Variants in CCND3 observed in about 807,000 individuals in gnomAD.
The protein encoded by CCND3 is cyclin D3, also known as G1/S-specific cyclin-D3.
Under a neutral mutation model 28.7 loss-of-function variants are expected in CCND3, and 9 were observed. The ratio of observed to expected loss-of-function variants is 0.31; its 90% CI spans 0.19 to 0.55. CCND3 has a LOEUF of 0.55. CCND3 is among the 20% of genes least tolerant of loss of function. The pLI is 0.93. For synonymous variants in CCND3, 164 were observed against 163.9 expected (o/e 1.00, Z 0.00); for missense variants, 315 against 385.8 (o/e 0.82, Z 1.54).
intron 1 of CCND3, among the ~76,000 whole-genome samples, chr6:41,956,150 G>A (rs887480944): frequency 6.6e-6 from 1 of 152,004 alleles, no homozygotes; most frequent in Admixed American, 6.6e-5. Flanking sequence ...AAATTAGCCG[G>A]GTGTGGTGGT....
At chr6:42,008,556 A>G (rs1257912504) in intron 1 of CCND3, among the ~76,000 whole-genome samples, 1 of 152,204 alleles carries the variant, frequency 6.6e-6, no homozygotes, top group African/African-American at 2.4e-5. Flanking sequence ...ACAAAGTAAG[A>G]TAGGCTGGTT....
rs147998619 is a variant in CCND3, at chr6:41,940,419, T to C, written c.365A>G (p.Glu122Gly). Residue 122 changes from glutamate to glycine, a missense_variant, in exon 2 of 5, where the codon GAA becomes GGA. Physicochemically the swap from Glu to Gly is moderately conservative, Grantham distance 98. Transcript: ENST00000372991. ...GTGGTCGGTGTAGATGCACAGTTTT[T>C]CGATGGTCAGGGGCGTGGTCTCGCG... ...KLRETTPLTI[E>G]KLCIYTDHAV... 1.8e-4 allele frequency: 290 copies of C among 1,613,606 alleles called. 1 individual carries two copies. Among genetic ancestry groups the C allele is most frequent in the Non-Finnish European group, 2.3e-4 (273 of 1,179,922 alleles).
chr6:42,006,576 C>T (rs1459257137), intron 1 of CCND3, among the ~76,000 whole-genome samples: 2 of 152,036 alleles, frequency 1.3e-5, no homozygotes, highest in African/African-American at 4.8e-5. Flanking sequence ...GATGATATGA[C>T]TATCTACGTG....
At chr6:41,982,273 C>CAAAAAAAAA (rs57911007) in intron 1 of CCND3, among the ~76,000 whole-genome samples, 1 of 135,074 alleles carries the variant, frequency 7.4e-6, no homozygotes, top group African/African-American at 2.8e-5. Context: ...GACTCCATCT[C>CAAAAAAAAA]AAAAAAAAAA....
At chr6:41,996,299 G>A (rs990304276) in intron 1 of CCND3, among the ~76,000 whole-genome samples, 8 of 151,496 alleles carry the variant, frequency 5.3e-5, no homozygotes, top group East Asian at 1.9e-4. Flanking sequence ...ACAGGCACAC[G>A]CCACCATGTC....
At chr6:41,950,559 T>C (rs879309728) in intron 1 of CCND3, among the ~76,000 whole-genome samples, 21 of 152,206 alleles carry the variant, frequency 1.4e-4, no homozygotes, top group Non-Finnish European at 2.8e-4. Flanking sequence ...GTACTTTAGC[T>C]GTCCCAGGCT....
chr6:42,027,422 A>G lies in CCND3; in HGVS notation c.-46+21079T>C, dbSNP rs977662297. ...GCCACTGCACTCCAGCCTGAGTGAG[A>G]GAGCGAGGCTCCATCTCAAAAAAAA... On this transcript the variant is annotated intron_variant, in intron 1 of 4. Transcript: ENST00000372988. Among the ~76,000 whole-genome samples, 7 of 141,728 alleles carry G rather than the reference A, an allele frequency of 4.9e-5. No individual in the cohort carries two copies. In the Admixed American group the frequency reaches 5.0e-4, roughly 10 times the overall value. 93.0% of individuals were successfully genotyped at this position (141,728 alleles called of 152,430 possible).
Position 42,048,312 on chromosome 6 carries a change from T to G in CCND3, c.-46+189A>C. 9.6e-6 allele frequency: 3 copies of G among 312,360 alleles called. No homozygotes were observed. The highest frequency in any genetic ancestry group is 2.2e-4 in the East Asian group (2 of 8,934). 19.3% of individuals were successfully genotyped at this position (312,360 alleles called of 1,614,324 possible). On this transcript the variant is annotated intron_variant, in intron 1 of 4. Coordinates refer to the CCND3 transcript ENST00000372988. This position sits in a 1 kb window ranked among gnomAD's most constrained non-coding sequence, Gnocchi z 4.7. ...ACAGAGGGCTCAGGGCCTTTGGGGGTTTCTCTGCCCTTCAATTCCGTGCAG... is the reference window on the plus strand; with the variant it reads ...ACAGAGGGCTCAGGGCCTTTGGGGGGTTCTCTGCCCTTCAATTCCGTGCAG...
chr6:41,945,312 G>A (rs1776140518), upstream of CCND3, among the ~76,000 whole-genome samples: 1 of 152,140 alleles, frequency 6.6e-6, no homozygotes, highest in African/African-American at 2.4e-5. Flanking sequence ...TCAGGAGTTC[G>A]AGACCAGCCT....
At chr6:41,967,480 C>A (rs1235512976) in intron 1 of CCND3, among the ~76,000 whole-genome samples, 3 of 152,162 alleles carry the variant, frequency 2.0e-5, no homozygotes, top group African/African-American at 7.2e-5. Flanking sequence ...AGGAGCTGGG[C>A]CAGGACATAT....
chr6:42,036,252 C>G (rs1026694267), intron 1 of CCND3, among the ~76,000 whole-genome samples: 1 of 148,412 alleles, frequency 6.7e-6, no homozygotes, highest in Admixed American at 6.8e-5. Flanking sequence ...CTCGGCCTCC[C>G]AAAGTGCTGG....
intron 1 of CCND3, among the ~76,000 whole-genome samples, chr6:42,038,354 C>T (rs1224566442): frequency 6.6e-6 from 1 of 151,896 alleles, no homozygotes; most frequent in East Asian, 1.9e-4. Flanking sequence ...GCCTGCGCAA[C>T]ATGGCAAAAC....
chr6:42,019,346 G>C (rs1001064717), intron 1 of CCND3, among the ~76,000 whole-genome samples: 1 of 151,950 alleles, frequency 6.6e-6, no homozygotes, highest in African/African-American at 2.4e-5. Context: ...AAAATTAGCC[G>C]GGTGTGGTGG....
At chr6:41,978,729 G>C (rs1762249724) in intron 1 of CCND3, among the ~76,000 whole-genome samples, 1 of 152,124 alleles carries the variant, frequency 6.6e-6, no homozygotes, top group Non-Finnish European at 1.5e-5. Context: ...CACCCAGAGA[G>C]AAATACTCTA....
intron 1 of CCND3, among the ~76,000 whole-genome samples, chr6:42,014,624 T>C (rs1019578157): frequency 1.3e-5 from 2 of 151,946 alleles, no homozygotes; most frequent in African/African-American, 4.8e-5. Flanking sequence ...GTTGTCTACA[T>C]AGAAATAAGA....
At chr6:41,968,854 G>A (rs1761957971) in intron 1 of CCND3, among the ~76,000 whole-genome samples, 1 of 152,100 alleles carries the variant, frequency 6.6e-6, no homozygotes, top group Non-Finnish European at 1.5e-5. Flanking sequence ...CACCCAGGCT[G>A]GAGTGCAGTG....
intron 1 of CCND3, among the ~76,000 whole-genome samples, chr6:41,950,675 G>A (rs1295241479): frequency 2.0e-5 from 3 of 151,802 alleles, no homozygotes; most frequent in Non-Finnish European, 4.4e-5. Context: ...GGACATGCTG[G>A]ACATGGGTCA....
intron 1 of CCND3, among the ~76,000 whole-genome samples, chr6:42,037,482 G>A (rs1232209473): frequency 1.3e-5 from 2 of 151,522 alleles, no homozygotes; most frequent in East Asian, 2.0e-4. Flanking sequence ...TGATCCGCCC[G>A]CCTCGGCCTC....
chr6:42,015,861 G>A (rs761075869), intron 1 of CCND3, among the ~76,000 whole-genome samples: 3 of 151,994 alleles, frequency 2.0e-5, no homozygotes, highest in Non-Finnish European at 4.4e-5. Context: ...ATTTTTTTGT[G>A]TGCGTGGTGA....
Sources: gnomAD v4.1 joint callset for allele counts (sites outside exome capture counted in the v4.1 genomes callset) on GRCh38, gnomAD v4.1.1 for gene constraint, Gnocchi (gnomAD v3.1) non-coding constraint, MANE v1.5 for transcripts, NCBI Gene and HGNC (gene_info 2026-07-23, HGNC 2026-07-21) for gene names.